ACVR1: variants seen among roughly 807,000 people sequenced by gnomAD.
The protein encoded by ACVR1 is activin receptor type-1.
Under a neutral mutation model 57.1 loss-of-function variants are expected in ACVR1, and 38 were observed. The observed-to-expected ratio is 0.67, with a 90% CI of 0.51 to 0.87. The LOEUF is 0.87. ACVR1 is among the 40% of genes least tolerant of loss of function. The pLI is 0.00. For missense variants in ACVR1, 463 were observed against 638.2 expected (o/e 0.73, Z 2.96); for synonymous variants, 212 against 228.1 (o/e 0.93, Z 0.63).
At chr2:157,803,288 G>C (rs2105310593) in intron 2 of ACVR1, among the ~76,000 whole-genome samples, 1 of 152,228 alleles carries the variant, frequency 6.6e-6, no homozygotes, top group East Asian at 1.9e-4. Flanking sequence ...TATAAATTCA[G>C]ACCCTCAAAC....
chr2:157,785,057 A>G (rs1260766574), intron 3 of ACVR1, among the ~76,000 whole-genome samples: 1 of 152,250 alleles, frequency 6.6e-6, no homozygotes, highest in African/African-American at 2.4e-5. Context: ...TAAATGGTGC[A>G]CAAAAACCAA....
intron 3 of ACVR1, among the ~76,000 whole-genome samples, chr2:157,795,207 A>G (rs1029337888): frequency 6.6e-6 from 1 of 152,186 alleles, no homozygotes; most frequent in Non-Finnish European, 1.5e-5. Flanking sequence ...CACTGCTATT[A>G]CAGATTTCTG....
intron 1 of ACVR1, among the ~76,000 whole-genome samples, chr2:157,841,349 A>T (rs1688966014): frequency 6.6e-6 from 1 of 152,164 alleles, no homozygotes; most frequent in Non-Finnish European, 1.5e-5. Context: ...TCATTATTTT[A>T]TCTGAAGTTA....
At chr2:157,868,096 C>T (rs1444166042) in intron 1 of ACVR1, among the ~76,000 whole-genome samples, 1 of 152,144 alleles carries the variant, frequency 6.6e-6, no homozygotes, top group Non-Finnish European at 1.5e-5. Context: ...GCACTTTTAA[C>T]TGTGAATGTG....
At chr2:157,807,343 G>A (rs1381147104) in intron 2 of ACVR1, among the ~76,000 whole-genome samples, 1 of 152,076 alleles carries the variant, frequency 6.6e-6, no homozygotes, top group Non-Finnish European at 1.5e-5. Flanking sequence ...CACTTGCTGC[G>A]TGCCTTACTC....
intron 2 of ACVR1, among the ~76,000 whole-genome samples, chr2:157,805,403 T>C (rs1574086367): frequency 6.6e-6 from 1 of 152,206 alleles, no homozygotes; most frequent in East Asian, 1.9e-4. Flanking sequence ...CACCCCTATT[T>C]TGAATGACTT....
At chr2:157,855,302 GTGTGTGTATA>G (rs1245835367) in intron 1 of ACVR1, among the ~76,000 whole-genome samples, 3 of 65,408 alleles carry the variant, frequency 4.6e-5, no homozygotes, top group African/African-American at 7.5e-5. Context: ...GTGTGTGTGT[GTGTGTGTATA>G]TATATATATA....
rs566814007 is a variant in ACVR1, at chr2:157,837,671, C to T, written c.-182-19112G>A. 7.9e-5 allele frequency among the ~76,000 whole-genome samples: 12 copies of T among 152,254 alleles called. No individual in the cohort carries two copies. In the East Asian group the frequency reaches 1.5e-3, roughly 20 times the overall value. The stretch of plus-strand genomic sequence containing the variant: ...ACACACTCAAAGCAACCCAGACAAA[C>T]AGGCTTGGAAACTACCAGCCAACTT... On this transcript the variant is annotated intron_variant, in intron 1 of 10. Coordinates refer to ENST00000434821, the MANE Select transcript of ACVR1 (RefSeq NM_001111067.4).
intron 2 of ACVR1, among the ~76,000 whole-genome samples, chr2:157,813,623 A>C (rs1687831313): frequency 6.6e-6 from 1 of 152,222 alleles, no homozygotes; most frequent in East Asian, 1.9e-4. Flanking sequence ...ATGACCATGC[A>C]GATAATCACA....
intron 1 of ACVR1, chr2:157,838,325 A>C (rs1358534177): frequency 2.0e-5 from 3 of 152,072 alleles, no homozygotes; most frequent in African/African-American, 4.8e-5. Context: ...CTTCCGATAG[A>C]CCCTTGCTAT....
chr2:157,773,795 C>T (rs535764393), intron 6 of ACVR1, among the ~76,000 whole-genome samples: 51 of 152,268 alleles, frequency 3.3e-4, no homozygotes, highest in African/African-American at 1.2e-3. Flanking sequence ...TGGTAAGGAG[C>T]AACCATATCA....
chr2:157,788,298 A>G (rs1686786950), intron 3 of ACVR1, among the ~76,000 whole-genome samples: 1 of 145,106 alleles, frequency 6.9e-6, no homozygotes, highest in African/African-American at 2.9e-5. Flanking sequence ...AATATTAAGC[A>G]AAAAATTCCA....
At chr2:157,815,214 T>C (rs939645312) in intron 2 of ACVR1, among the ~76,000 whole-genome samples, 1 of 150,566 alleles carries the variant, frequency 6.6e-6, no homozygotes, top group African/African-American at 2.5e-5. Flanking sequence ...AAAATTGTAA[T>C]ATATGCATGT....
chr2:157,758,922 A>G (rs1008117131), intron 9 of ACVR1, among the ~76,000 whole-genome samples: 2 of 152,108 alleles, frequency 1.3e-5, no homozygotes, highest in Non-Finnish European at 2.9e-5. Flanking sequence ...ATTAAGAAGG[A>G]AATAAAAAAA....
chr2:157,770,634 A>T, intron 6 of ACVR1, 120 bp from the exon 7 acceptor site: 1 of 1,027,110 alleles, frequency 9.7e-7, no homozygotes, highest in South Asian at 1.3e-5. Context: ...CTTACTGGAG[A>T]AACTCAGCTT....
chr2:157,857,294 T>G (rs1689567609), intron 1 of ACVR1, among the ~76,000 whole-genome samples: 1 of 152,020 alleles, frequency 6.6e-6, no homozygotes, highest in Non-Finnish European at 1.5e-5. Flanking sequence ...AGTCCTTGTG[T>G]GTGGTAAAGC....
rs116759757 is a variant in ACVR1 at position 157,859,423 on chromosome 2, C to T, written c.-183+16373G>A. On this transcript the variant is annotated intron_variant, in intron 1 of 10. Coordinates refer to ENST00000434821, the MANE Select transcript of ACVR1 (RefSeq NM_001111067.4). ...ACCACAAAAATGGGCAACCAGCAGC[C>T]CTTGGGGGGCTATGCCTATGGAGGA... Among the ~76,000 whole-genome samples, 469 of 152,246 alleles carry T rather than the reference C, an allele frequency of 3.1e-3. 4 individuals carry two copies. The highest frequency in any genetic ancestry group is 0.011 in the African/African-American group (438 of 41,546).
intron 3 of ACVR1, among the ~76,000 whole-genome samples, chr2:157,791,588 G>A (rs959478965): frequency 1.3e-5 from 2 of 152,190 alleles, no homozygotes; most frequent in African/African-American, 2.4e-5. Context: ...CTCCCAACAA[G>A]GTGGGTACCG....
chr2:157,820,495 AAGAGGTTT>A (rs1236393147), intron 1 of ACVR1, among the ~76,000 whole-genome samples: 2 of 152,164 alleles, frequency 1.3e-5, no homozygotes. Flanking sequence ...TACTGGTAGG[AAGAGGTTT>A]AGATAAGCCA....
Sources: gnomAD v4.1 joint callset for allele counts (sites outside exome capture counted in the v4.1 genomes callset) on GRCh38, gnomAD v4.1.1 for gene constraint, MANE v1.5 for transcripts, NCBI Gene and HGNC (gene_info 2026-07-23, HGNC 2026-07-21) for gene names.